Variants in GRID2 observed in about 807,000 individuals in gnomAD.
GRID2 encodes the protein glutamate receptor ionotropic, delta-2.
GRID2 carries 33 observed loss-of-function variants against 114.8 expected under a neutral mutation model. That is an observed-to-expected ratio of 0.29 (90% CI 0.22 to 0.38). The LOEUF (loss-of-function observed/expected upper bound fraction) is 0.38, where lower values mean the gene tolerates loss of function less well. Among genes scored for constraint, GRID2 ranks in the 10% least tolerant of loss-of-function variants. GRID2 has a pLI of 1.00. For synonymous variants in GRID2, 505 were observed against 449.9 expected (o/e 1.12, Z -1.55); for missense variants, 1,184 against 1,257.7 (o/e 0.94, Z 0.89).
intron 2 of GRID2, among the ~76,000 whole-genome samples, chr4:92,951,797 T>A (rs1752060734): frequency 6.6e-6 from 1 of 151,670 alleles, no homozygotes; most frequent in Non-Finnish European, 1.5e-5. Context: ...CCTTTCTAAA[T>A]TGAAATTATA....
chr4:93,277,590 C>A (rs1404888819), intron 8 of GRID2, among the ~76,000 whole-genome samples: 1 of 151,680 alleles, frequency 6.6e-6, no homozygotes, highest in Non-Finnish European at 1.5e-5. Flanking sequence ...TTTTAAAATG[C>A]ACCTATTATG....
chr4:92,513,088 CT>C (rs1000571426), intron 1 of GRID2, among the ~76,000 whole-genome samples: 22 of 151,798 alleles, frequency 1.4e-4, no homozygotes, highest in African/African-American at 5.3e-4. Flanking sequence ...CAATGACAAC[CT>C]TCCTAAACTG....
intron 11 of GRID2, among the ~76,000 whole-genome samples, chr4:93,488,475 A>G (rs535401273): frequency 6.6e-6 from 1 of 152,066 alleles, no homozygotes; most frequent in African/African-American, 2.4e-5. Flanking sequence ...CGTGGTTGTA[A>G]TTAAAATATG....
chr4:93,293,400 T>C (rs1427486355), intron 8 of GRID2, among the ~76,000 whole-genome samples: 1 of 152,126 alleles, frequency 6.6e-6, no homozygotes, highest in Non-Finnish European at 1.5e-5. Context: ...CGAAGTTAAT[T>C]ATAAAAATGT....
chr4:93,445,726 A>G (rs529553157), intron 10 of GRID2, among the ~76,000 whole-genome samples: 2 of 151,990 alleles, frequency 1.3e-5, no homozygotes, highest in African/African-American at 4.8e-5. Context: ...TCACTGATTT[A>G]TCATGTGTAA....
intron 13 of GRID2, among the ~76,000 whole-genome samples, chr4:93,524,991 T>C (rs1395815270): frequency 6.6e-6 from 1 of 151,946 alleles, no homozygotes; most frequent in Non-Finnish European, 1.5e-5. Flanking sequence ...ATTTAATTCA[T>C]GATGAAAGCC....
At chr4:92,597,029 T>G (rs1728988153) in intron 2 of GRID2, among the ~76,000 whole-genome samples, 1 of 152,092 alleles carries the variant, frequency 6.6e-6, no homozygotes, top group Non-Finnish European at 1.5e-5. Context: ...TCTAGCTTTT[T>G]AAGTATACTT....
chr4:93,007,410 G>A (rs1721655122), intron 2 of GRID2, among the ~76,000 whole-genome samples: 1 of 152,050 alleles, frequency 6.6e-6, no homozygotes, highest in South Asian at 2.1e-4. Context: ...AAGAAAATTA[G>A]GTTGTCGTGA....
intron 14 of GRID2, among the ~76,000 whole-genome samples, chr4:93,724,862 C>T (rs1364942699): frequency 1.3e-5 from 2 of 152,132 alleles, no homozygotes; most frequent in Non-Finnish European, 2.9e-5. Flanking sequence ...TCACTGCAAC[C>T]TCCACCTCCT....
chr4:93,147,916 A>G (rs1287553342), intron 4 of GRID2, among the ~76,000 whole-genome samples: 1 of 152,212 alleles, frequency 6.6e-6, no homozygotes, highest in East Asian at 1.9e-4. Flanking sequence ...ATAGCTTCCT[A>G]AAGACAGGAA....
At chr4:92,992,556 C>T (rs1348167698) in intron 2 of GRID2, among the ~76,000 whole-genome samples, 4 of 152,036 alleles carry the variant, frequency 2.6e-5, no homozygotes, top group Admixed American at 6.6e-5. Context: ...TTATATTTTG[C>T]AATTTCATAT....
In GRID2 at chr4:93,614,458, C is replaced by T. The variant is rs116148274; in HGVS notation, c.2194-11811C>T. On this transcript the variant is annotated intron_variant, in intron 13 of 15. Coordinates refer to ENST00000282020, the MANE Select transcript of GRID2 (RefSeq NM_001510.4). Reference sequence around the variant, plus strand: ...AGATAGACAACCCAGAACACAAATGCATCAGATCAAAACCCATAAAATATA... The same window carrying T: ...AGATAGACAACCCAGAACACAAATGTATCAGATCAAAACCCATAAAATATA... Among the ~76,000 whole-genome samples, 865 of 152,190 alleles carry T rather than the reference C, an allele frequency of 5.7e-3. 12 individuals carry two copies. The highest frequency in any genetic ancestry group is 0.019 in the African/African-American group (795 of 41,512).
intron 14 of GRID2, among the ~76,000 whole-genome samples, chr4:93,680,602 T>C (rs897207071): frequency 6.6e-6 from 1 of 151,804 alleles, no homozygotes; most frequent in African/African-American, 2.4e-5. Flanking sequence ...GCTTCATCCC[T>C]GGGATGCAAG....
chr4:93,096,733 CAT>C (rs1439794430), intron 3 of GRID2, among the ~76,000 whole-genome samples: 1 of 151,930 alleles, frequency 6.6e-6, no homozygotes, highest in Non-Finnish European at 1.5e-5. Context: ...GAATGTAAAA[CAT>C]ACAGCCACTT....
At chr4:92,778,309 G>A (rs1369945221) in intron 2 of GRID2, among the ~76,000 whole-genome samples, 1 of 151,780 alleles carries the variant, frequency 6.6e-6, no homozygotes. Flanking sequence ...TTCTTCTACT[G>A]GCCTGTAAAC....
At chr4:93,180,037 G>GAA (rs1018354416) in intron 4 of GRID2, among the ~76,000 whole-genome samples, 2 of 152,106 alleles carry the variant, frequency 1.3e-5, no homozygotes, top group East Asian at 3.9e-4. Flanking sequence ...TTTAAACGAA[G>GAA]AAAAAAGGCA....
intron 11 of GRID2, among the ~76,000 whole-genome samples, chr4:93,484,466 A>G (rs753175643): frequency 6.6e-6 from 1 of 151,908 alleles, no homozygotes; most frequent in Non-Finnish European, 1.5e-5. Context: ...TCAAAAAAAA[A>G]CTTTAGATGA....
At chr4:92,386,459 A>C (rs1426642884) in intron 1 of GRID2, among the ~76,000 whole-genome samples, 1 of 151,858 alleles carries the variant, frequency 6.6e-6, no homozygotes, top group African/African-American at 2.4e-5. Context: ...GCAGTAGCAC[A>C]GTAATGACAA....
At chr4:92,591,117 G>A (rs967523857) in intron 2 of GRID2, among the ~76,000 whole-genome samples, 1 of 152,122 alleles carries the variant, frequency 6.6e-6, no homozygotes, top group African/African-American at 2.4e-5. Context: ...GTATTAAGAG[G>A]TGGGGCCTTC....
Sources: allele counts gnomAD v4.1 joint callset (sites outside exome capture counted in the v4.1 genomes callset), GRCh38; gene constraint gnomAD v4.1.1; transcripts MANE v1.5; gene names NCBI Gene and HGNC (gene_info 2026-07-23, HGNC 2026-07-21).